Variants in ANO4 observed in about 807,000 individuals in gnomAD.
ANO4 encodes anoctamin-4.
Under a neutral mutation model 141.9 loss-of-function variants are expected in ANO4, and 69 were observed. The observed-to-expected ratio is 0.49, with a 90% confidence interval of 0.40 to 0.59. ANO4 has a LOEUF of 0.59. Ranked by LOEUF, ANO4 falls within the 20% of genes least tolerant of loss-of-function variation. ANO4 has a pLI of 0.00. For missense variants in ANO4, 894 were observed against 1,162.2 expected, an observed-to-expected ratio of 0.77 and a Z score of 3.36; for synonymous variants, 350 against 394.3, an observed-to-expected ratio of 0.89 and a Z score of 1.33.
At chr12:100,938,705 T>G (rs1348191299) in intron 3 of ANO4, among the ~76,000 whole-genome samples, 1 of 152,186 alleles carries the variant, frequency 6.6e-6, no homozygotes, top group African/African-American at 2.4e-5. Context: ...ACGTCAACAG[T>G]CTTTTGAGAG....
At chr12:100,874,950 C>T (rs2039223788) in intron 1 of ANO4, among the ~76,000 whole-genome samples, 1 of 152,108 alleles carries the variant, frequency 6.6e-6, no homozygotes. Context: ...TTGAAAGTAA[C>T]TAACTTGTTT....
chr12:101,000,679 G>A (rs2136399439), intron 8 of ANO4, among the ~76,000 whole-genome samples: 1 of 152,262 alleles, frequency 6.6e-6, no homozygotes, highest in South Asian at 2.1e-4. Context: ...AAACTGAAAT[G>A]AAAATGAAAA....
chr12:101,027,638 A>G (rs979318255), intron 9 of ANO4, among the ~76,000 whole-genome samples: 5 of 152,012 alleles, frequency 3.3e-5, no homozygotes, highest in African/African-American at 1.2e-4. Flanking sequence ...ATCCTTCCTC[A>G]CTTCCTATAT....
chr12:100,973,918 C>T (rs2044040607), intron 6 of ANO4, among the ~76,000 whole-genome samples: 1 of 152,122 alleles, frequency 6.6e-6, no homozygotes, highest in Admixed American at 6.6e-5. Flanking sequence ...TATAGTTTTG[C>T]CTGTGTTTTA....
chr12:100,912,259 G>T (rs547947092), intron 2 of ANO4, among the ~76,000 whole-genome samples: 1 of 152,030 alleles, frequency 6.6e-6, no homozygotes, highest in Admixed American at 6.6e-5. Flanking sequence ...ACCAGACATT[G>T]TAGTGCAGGC....
intron 2 of ANO4, among the ~76,000 whole-genome samples, chr12:100,735,355 A>G (rs2031559926): frequency 6.6e-6 from 1 of 152,192 alleles, no homozygotes; most frequent in African/African-American, 2.4e-5. Flanking sequence ...TCTCGTGGAG[A>G]GCTCGCAGAC....
At chr12:101,005,753 T>C (rs1159710895) in intron 8 of ANO4, among the ~76,000 whole-genome samples, 1 of 152,224 alleles carries the variant, frequency 6.6e-6, no homozygotes, top group East Asian at 1.9e-4. Context: ...AATTTTAGTA[T>C]ATGTGAATTC....
chr12:100,731,700 C>T (rs973763052), intron 1 of ANO4, among the ~76,000 whole-genome samples: 1 of 152,184 alleles, frequency 6.6e-6, no homozygotes, highest in African/African-American at 2.4e-5. Flanking sequence ...TTTATTGTCT[C>T]CATAGTTTTG....
intron 3 of ANO4, among the ~76,000 whole-genome samples, chr12:100,775,904 CTTTTT>C (rs1263148356): frequency 6.6e-6 from 1 of 151,002 alleles, no homozygotes; most frequent in Admixed American, 6.6e-5. Context: ...CCTATGATTT[CTTTTT>C]TTTAATTTGC....
At chr12:101,089,396 A>T (rs1232177761) in intron 17 of ANO4, among the ~76,000 whole-genome samples, 1 of 151,920 alleles carries the variant, frequency 6.6e-6, no homozygotes, top group East Asian at 1.9e-4. Context: ...TTTTGACGTG[A>T]TGTTTGTGCG....
intron 1 of ANO4, among the ~76,000 whole-genome samples, chr12:100,812,515 C>T (rs1176578741): frequency 1.3e-5 from 2 of 151,910 alleles, no homozygotes. Flanking sequence ...TGTATACATA[C>T]ATAATAATAT....
chr12:101,123,960 CTGTT>C (rs2051200353), intron 26 of ANO4, among the ~76,000 whole-genome samples: 1 of 151,946 alleles, frequency 6.6e-6, no homozygotes, highest in Non-Finnish European at 1.5e-5. Context: ...TGAGAGGTAT[CTGTT>C]TGTGTCCTTT....
chr12:100,799,049 C>T (rs1008276591), intron 1 of ANO4, among the ~76,000 whole-genome samples: 1 of 152,168 alleles, frequency 6.6e-6, no homozygotes, highest in Non-Finnish European at 1.5e-5. Context: ...AGACCACAGC[C>T]AGTCACAGAG....
rs113955588 is a variant in ANO4 at position 101,078,320 on chromosome 12, A to G, written c.1313-873A>G. On this transcript the variant is annotated intron_variant, in intron 14 of 27. Coordinates refer to ENST00000392977, the MANE Select transcript of ANO4 (RefSeq NM_001286615.2). ...TAGTCATTCTCAGAGTGTGAGTGAG[A>G]GAGTGTGTGTGTGTCTGTATGCATG... Among the ~76,000 whole-genome samples the G allele has an allele frequency of 1.8e-3, 250 of 141,744 alleles. 1 individual carries two copies. Among genetic ancestry groups the G allele is most frequent in the African/African-American group, 6.2e-3 (225 of 36,216 alleles). The allele number at this position is 141,744 out of a possible 152,430, so 93.0% of individuals were successfully genotyped here. A position where few individuals can be genotyped will look rare whatever the true frequency, so the allele number is the denominator to read the frequency against.
intron 1 of ANO4, among the ~76,000 whole-genome samples, chr12:100,814,982 C>T (rs2035650638): frequency 6.6e-6 from 1 of 152,000 alleles, no homozygotes; most frequent in Non-Finnish European, 1.5e-5. Flanking sequence ...GAGATTTTAT[C>T]ATGGATCAGG....
intron 2 of ANO4, among the ~76,000 whole-genome samples, chr12:100,912,580 G>A (rs539262904): frequency 6.6e-5 from 10 of 151,574 alleles, no homozygotes; most frequent in Non-Finnish European, 1.2e-4. Context: ...TTTTTTCCAC[G>A]GTGTCAACTT....
intron 1 of ANO4, chr12:100,842,173 G>C (rs775164079): frequency 6.7e-6 from 1 of 148,902 alleles, no homozygotes; most frequent in Non-Finnish European, 1.5e-5. Flanking sequence ...GTCATCTTTG[G>C]CATTTTTCAC....
intron 1 of ANO4, among the ~76,000 whole-genome samples, chr12:100,812,039 TACACAC>T (rs4015879): frequency 6.6e-6 from 1 of 151,484 alleles, no homozygotes; most frequent in Admixed American, 6.6e-5. Flanking sequence ...CATATATGTG[TACACAC>T]ACACACACGC....
intron 2 of ANO4, among the ~76,000 whole-genome samples, chr12:100,918,890 T>G (rs2041474639): frequency 6.6e-6 from 1 of 152,044 alleles, no homozygotes; most frequent in Non-Finnish European, 1.5e-5. Context: ...TCATGGGAGG[T>G]GAGAGCTCCA....
Sources: gnomAD v4.1 joint callset for allele counts (sites outside exome capture counted in the v4.1 genomes callset) on GRCh38, gnomAD v4.1.1 for gene constraint, MANE v1.5 for transcripts, NCBI Gene and HGNC (gene_info 2026-07-23, HGNC 2026-07-21) for gene names.